The following SHROOM4 variants were observed in gnomAD, a reference collection of about 807,000 sequenced individuals.
SHROOM4 encodes protein Shroom4.
In SHROOM4, 17 loss-of-function variants were observed where a neutral mutation model predicts 80.3. The ratio of observed to expected loss-of-function variants is 0.21; its 90% CI spans 0.14 to 0.32. SHROOM4 has a LOEUF of 0.32. SHROOM4 is among the 10% of genes least tolerant of loss of function. The probability of loss-of-function intolerance (pLI) is 1.00; values close to 1 mark genes in which losing one functional copy is unlikely to be tolerated. For synonymous variants in SHROOM4, 400 were observed against 437.5 expected, an observed-to-expected ratio of 0.91 and a Z score of 1.07; for missense variants, 993 against 1,140.3, an observed-to-expected ratio of 0.87 and a Z score of 1.86.
At chrX:50,729,020 T>C (rs1434426093) in intron 1 of SHROOM4, among the ~76,000 whole-genome samples, 6 of 78,119 alleles carry the variant, frequency 7.7e-5, no homozygotes, top group African/African-American at 3.0e-4. Context: ...GGGGTGGGGG[T>C]GGGAGATGGT....
downstream of SHROOM4, among the ~76,000 whole-genome samples, chrX:50,584,063 C>A (rs1928713283): frequency 8.9e-6 from 1 of 112,034 alleles, no homozygotes; most frequent in African/African-American, 3.2e-5. Context: ...GAGCTTTTGA[C>A]TTCCAAAAGG....
At chrX:50,681,800 T>C (rs1932945010) in intron 2 of SHROOM4, among the ~76,000 whole-genome samples, 1 of 112,270 alleles carries the variant, frequency 8.9e-6, no homozygotes, top group Non-Finnish European at 1.9e-5. Flanking sequence ...CCTAAAATAG[T>C]ACCCGACACA....
At chrX:50,753,686 T>C (rs1934972902) in intron 1 of SHROOM4, among the ~76,000 whole-genome samples, 1 of 112,580 alleles carries the variant, frequency 8.9e-6, no homozygotes, top group African/African-American at 3.2e-5. Context: ...CATGTTGAAA[T>C]GTTAATATTT....
intron 1 of SHROOM4, among the ~76,000 whole-genome samples, chrX:50,805,966 A>G: frequency 9.4e-6 from 1 of 106,282 alleles, no homozygotes; most frequent in Admixed American, 1.0e-4. Context: ...CACCACTGGA[A>G]GCATGGCTGA....
In SHROOM4 at chrX:50,796,257, G is replaced by A. The variant is rs782606158; in HGVS notation, c.117+17645C>T. ...TCAAGGGTGTTATTAATGGCACTCA[G>A]GCAGCAGGTTAGTGTTGGTCAGCTT... is the stretch of plus-strand genomic sequence containing the variant. On this transcript the variant is annotated intron_variant, in intron 1 of 8. Transcript: ENST00000376020. 2.7e-5 allele frequency among the ~76,000 whole-genome samples: 3 copies of A among 112,108 alleles called. No homozygotes were observed. The South Asian group carries it at 1.1e-3, about 42-fold the overall frequency.
rs1469829572 is a variant in SHROOM4 at position 50,607,992 on chromosome X, G to A, written c.3150C>T (p.Pro1050=). The change falls in exon 6 of 9, where the codon CCC becomes CCT. Residue 1050 remains proline (P), a synonymous_variant. Transcript: ENST00000376020. ...AGAAGGCACGGCTGCGCAGTGGGTG[G>A]GGCATGGAGGCAAGGGAGCTCCCCT... ...YEEGSSLASM[P]HPLRSRAFSE... The A allele has an allele frequency of 8.3e-7, 1 of 1,210,174 alleles. No homozygotes were observed. Among genetic ancestry groups the A allele is most frequent in the Non-Finnish European group, 1.1e-6 (1 of 895,331 alleles).
At chrX:50,618,357 T>A (rs1275019590) in intron 5 of SHROOM4, among the ~76,000 whole-genome samples, 1 of 18,018 alleles carries the variant, frequency 5.6e-5, no homozygotes, top group African/African-American at 2.8e-4. Context: ...CCTTCCTTCC[T>A]TCCTTCCTTC....
rs1435981753 is a variant in SHROOM4, at chrX:50,591,966, C to G, written c.*4729G>C. Reference sequence around the variant, plus strand: ...TCTCCTGACCTCGTGATCCACCTGCCTCGGCCTCCCAAAGTGCTGGGATTT... The same window carrying G: ...TCTCCTGACCTCGTGATCCACCTGCGTCGGCCTCCCAAAGTGCTGGGATTT... On this transcript the variant is annotated 3_prime_UTR_variant, in exon 9 of 9. Coordinates refer to ENST00000376020, the MANE Select transcript of SHROOM4 (RefSeq NM_020717.5). The G allele has an allele frequency of 6.1e-6, 2 of 327,393 alleles. No individual in the cohort carries two copies. The highest frequency in any genetic ancestry group is 1.2e-5 in the Non-Finnish European group (2 of 169,742). The allele number at this position is 327,393 out of a possible 1,213,427, so 27.0% of individuals were successfully genotyped here.
downstream of SHROOM4, among the ~76,000 whole-genome samples, chrX:50,586,035 C>G (rs1195979678): frequency 9.0e-6 from 1 of 111,555 alleles, no homozygotes; most frequent in East Asian, 2.8e-4. Flanking sequence ...TCACTCTTAC[C>G]ACTGCCCACT....
In SHROOM4 at chrX:50,635,373, C is replaced by G. The variant is rs782614722; in HGVS notation, c.700G>C (p.Ala234Pro). 5.8e-6 allele frequency: 7 copies of G among 1,203,056 alleles called. No homozygotes were observed. The Admixed American group carries it at 6.7e-5, about 11-fold the overall frequency. ...TKAPSGRPNV[A>P]ETSGGSRRTN... ...CGCCGACTACCTCCTGAGGTCTCAGCCACATTAGGCCGGCCACTGGGGGCC... is the reference window on the plus strand; with the variant it reads ...CGCCGACTACCTCCTGAGGTCTCAGGCACATTAGGCCGGCCACTGGGGGCC... Residue 234 changes from alanine to proline, a missense_variant, in exon 4 of 9, where the codon GCT becomes CCT. By Grantham distance (27) the Ala-to-Pro change is conservative. Coordinates refer to ENST00000376020, the MANE Select transcript of SHROOM4 (RefSeq NM_020717.5).
chrX:50,803,245 A>G (rs1936165062), intron 1 of SHROOM4, among the ~76,000 whole-genome samples: 1 of 112,718 alleles, frequency 8.9e-6, no homozygotes, highest in Non-Finnish European at 1.9e-5. Context: ...TGCCCAGAAT[A>G]TGCACTATAA....
At chrX:50,666,164 C>G (rs1268557291) in intron 2 of SHROOM4, among the ~76,000 whole-genome samples, 1 of 111,346 alleles carries the variant, frequency 9.0e-6, no homozygotes, top group African/African-American at 3.3e-5. Flanking sequence ...AGACAACTGA[C>G]ATGTCCATTT....
intron 1 of SHROOM4, among the ~76,000 whole-genome samples, chrX:50,776,511 G>T (rs1232261256): frequency 9.1e-6 from 1 of 110,186 alleles, no homozygotes; most frequent in African/African-American, 3.3e-5. Flanking sequence ...GCACAGGGTC[G>T]CATGGAAAAT....
chrX:50,764,035 A>G (rs1935217470), intron 1 of SHROOM4, among the ~76,000 whole-genome samples: 1 of 111,853 alleles, frequency 8.9e-6, no homozygotes, highest in Non-Finnish European at 1.9e-5. Flanking sequence ...ACCGTTTTTG[A>G]AAACACCTTT....
chrX:50,590,014 T>A lies in SHROOM4; in HGVS notation c.*6681A>T, dbSNP rs1362096400. Among the ~76,000 whole-genome samples the A allele has an allele frequency of 1.8e-5, 2 of 111,793 alleles. No homozygotes were observed. Among genetic ancestry groups the A allele is most frequent in the Non-Finnish European group, 3.8e-5 (2 of 53,210 alleles). On this transcript the variant is annotated 3_prime_UTR_variant, in exon 9 of 9. Transcript: ENST00000376020. ...ATCTCATTGTGGTCTTGATTTGCAT[T>A]TCCCTAATGAATAGTAGTGCTTGAG...
intron 1 of SHROOM4, among the ~76,000 whole-genome samples, chrX:50,743,072 G>A (rs1179301837): frequency 9.3e-6 from 1 of 107,301 alleles, no homozygotes; most frequent in Non-Finnish European, 1.9e-5. Flanking sequence ...TCTTTCAATT[G>A]ACTCCAGTGT....
intron 2 of SHROOM4, among the ~76,000 whole-genome samples, chrX:50,651,399 A>AG (rs781850507): frequency 6.3e-5 from 7 of 111,094 alleles, no homozygotes; most frequent in South Asian, 3.8e-4. Context: ...AAATCACATA[A>AG]GGCTTGAACA....
intron 1 of SHROOM4, among the ~76,000 whole-genome samples, chrX:50,781,862 T>C (rs781988246): frequency 9.0e-6 from 1 of 111,430 alleles, no homozygotes; most frequent in African/African-American, 3.3e-5. Context: ...TCAGGGACAA[T>C]AGCATCAAGC....
intron 4 of SHROOM4, among the ~76,000 whole-genome samples, chrX:50,629,288 C>T (rs969653332): frequency 2.7e-5 from 3 of 111,539 alleles, no homozygotes; most frequent in Admixed American, 9.6e-5. Context: ...AGAGGGCATC[C>T]GGCCACACTA....
Sources: gnomAD v4.1 joint callset for allele counts (sites outside exome capture counted in the v4.1 genomes callset) on GRCh38, gnomAD v4.1.1 for gene constraint, MANE v1.5 for transcripts, NCBI Gene and HGNC (gene_info 2026-07-23, HGNC 2026-07-21) for gene names.